Variants in ATG2B observed in about 807,000 individuals in gnomAD.
ATG2B encodes autophagy-related protein 2 homolog B.
A neutral mutation model predicts 241.3 loss-of-function variants in ATG2B; 121 were observed. That is an observed-to-expected ratio of 0.50 (90% CI 0.43 to 0.58). The LOEUF is 0.58. ATG2B is among the 20% of genes least tolerant of loss of function. ATG2B has a pLI of 0.00. For missense variants in ATG2B, 2,306 were observed against 2,491.6 expected (o/e 0.93, Z 1.59); for synonymous variants, 858 against 876.6 (o/e 0.98, Z 0.37).
intron 30 of ATG2B, among the ~76,000 whole-genome samples, chr14:96,306,077 T>G (rs2289624): frequency 5.9e-5 from 9 of 152,206 alleles, no homozygotes; most frequent in Non-Finnish European, 1.0e-4. Flanking sequence ...TGTTTGATAA[T>G]AAAAAAGCAC....
intron 27 of ATG2B, 100 bp from the exon 28 acceptor site, chr14:96,311,387 G>T: frequency 1.6e-6 from 2 of 1,254,370 alleles, no homozygotes; most frequent in Non-Finnish European, 2.2e-6. Flanking sequence ...ATGATAATCT[G>T]TCTCGCTACA....
chr14:96,342,213 G>A (rs1566732352), intron 5 of ATG2B, among the ~76,000 whole-genome samples: 1 of 151,356 alleles, frequency 6.6e-6, no homozygotes, highest in African/African-American at 2.4e-5. Flanking sequence ...AAAATTAGAC[G>A]TTAATATAGG....
At chr14:96,296,190 T>C (rs1211755503) in intron 34 of ATG2B, among the ~76,000 whole-genome samples, 2 of 152,238 alleles carry the variant, frequency 1.3e-5, no homozygotes, top group Admixed American at 1.3e-4. Context: ...AAGTTCCAAA[T>C]GACTTAACTT....
intron 31 of ATG2B, 41 bp from the exon 32 acceptor site, chr14:96,304,644 GA>G (rs778251564): frequency 7.0e-7 from 1 of 1,431,706 alleles, no homozygotes; most frequent in Non-Finnish European, 9.7e-7. Flanking sequence ...TTTGTTAAAG[GA>G]ATATTCAAAG....
chr14:96,292,719 G>A (rs17094001), intron 36 of ATG2B, among the ~76,000 whole-genome samples: 64,348 of 152,008 alleles, frequency 0.42, 15,576 homozygotes, highest in African/African-American at 0.65. Flanking sequence ...TGAAACTAAT[G>A]ATTCTAAGTA....
intron 2 of ATG2B, 104 bp from the exon 3 acceptor site, chr14:96,345,489 A>G (rs1247186385): frequency 3.3e-6 from 3 of 912,056 alleles, no homozygotes; most frequent in Admixed American, 7.2e-5. Flanking sequence ...ATCTTTTAAG[A>G]GATTTTTAAC....
At chr14:96,353,763 T>A (rs770493299) in intron 1 of ATG2B, among the ~76,000 whole-genome samples, 2 of 151,930 alleles carry the variant, frequency 1.3e-5, no homozygotes, top group African/African-American at 4.8e-5. Flanking sequence ...TTTCAATTTA[T>A]ATGTTTTTAT....
intron 1 of ATG2B, 40 bp downstream of exon 1, chr14:96,362,775 G>T (rs1407318377): frequency 1.3e-6 from 2 of 1,576,830 alleles, no homozygotes; most frequent in East Asian, 2.3e-5. Context: ...CCCTAAAGAG[G>T]GGAGCGAGCC....
intron 34 of ATG2B, among the ~76,000 whole-genome samples, chr14:96,300,424 T>G (rs990469339): frequency 5.3e-5 from 8 of 151,576 alleles, no homozygotes; most frequent in Non-Finnish European, 8.8e-5. Flanking sequence ...TGTTCAGGAG[T>G]CTGAGGCGGG....
In ATG2B at chr14:96,363,108, G is replaced by A. The variant is rs368668841; in HGVS notation, c.-132C>T. ...CCCCTCCATCCCTATTTGGTGCCGG[G>A]AGTCCCTCAGGGAGACCCCATCGCC... On this transcript the variant is annotated 5_prime_UTR_variant, in exon 1 of 42. Transcript: ENST00000359933. 1 of 1,040,244 alleles carries A rather than the reference G, an allele frequency of 9.6e-7. No homozygotes were observed. Among genetic ancestry groups the A allele is most frequent in the Non-Finnish European group, 1.4e-6 (1 of 690,892 alleles). 64.4% of individuals were successfully genotyped at this position (1,040,244 alleles called of 1,614,324 possible).
chr14:96,362,464 T>C (rs1229460871), intron 1 of ATG2B, among the ~76,000 whole-genome samples: 1 of 152,174 alleles, frequency 6.6e-6, no homozygotes, highest in African/African-American at 2.4e-5. Context: ...AAGGCAGGGT[T>C]TGTTTGCCAC....
Position 96,302,922 on chromosome 14 carries a change from A to G in ATG2B, c.5037+139T>C, listed in dbSNP as rs1886831683. 7 of 625,642 alleles carry G rather than the reference A, an allele frequency of 1.1e-5. No individual in the cohort carries two copies. In the Admixed American group the frequency reaches 2.2e-4, roughly 20 times the overall value. The allele number at this position is 625,642 out of a possible 1,614,324, so 38.8% of individuals were successfully genotyped here. A position where few individuals can be genotyped will look rare whatever the true frequency, so the allele number is the denominator to read the frequency against. On this transcript the variant is annotated intron_variant, in intron 33 of 41. Coordinates refer to ENST00000359933, the MANE Select transcript of ATG2B (RefSeq NM_018036.7). ...TTTTTTAAACATAAAACTTTAAGCA[A>G]TACATTCAAAAGGGACTTTTCACAT...
intron 1 of ATG2B, among the ~76,000 whole-genome samples, chr14:96,357,631 G>A (rs1234436297): frequency 6.6e-6 from 1 of 151,422 alleles, no homozygotes; most frequent in East Asian, 1.9e-4. Context: ...GGTACCACAA[G>A]TTACGGTCAT....
intron 1 of ATG2B, among the ~76,000 whole-genome samples, chr14:96,357,875 T>C (rs1369630685): frequency 6.6e-6 from 1 of 152,204 alleles, no homozygotes; most frequent in Non-Finnish European, 1.5e-5. Context: ...ACCTCATATA[T>C]TTCTTTACTG....
chr14:96,295,284 G>T, intron 35 of ATG2B, 117 bp from the exon 36 acceptor site: 1 of 1,057,532 alleles, frequency 9.5e-7, no homozygotes. Flanking sequence ...TACGATTCTT[G>T]TTACAGAGAA....
chr14:96,322,774 G>C lies in ATG2B; in HGVS notation c.2541-39C>G, dbSNP rs781239738. 5.8e-6 allele frequency: 9 copies of C among 1,554,630 alleles called. No individual in the cohort carries two copies. The Admixed American group carries it at 1.4e-4, about 25-fold the overall frequency. On this transcript the variant is annotated intron_variant, in intron 16 of 41. Transcript: ENST00000359933. ...CAATTTTAAAAAGACCAAGATCTAAGTGTAAACAGCAAAACTTTAACTTTT... is the reference window on the plus strand; with the variant it reads ...CAATTTTAAAAAGACCAAGATCTAACTGTAAACAGCAAAACTTTAACTTTT...
chr14:96,291,902 T>C, intron 37 of ATG2B, 127 bp downstream of exon 37: 1 of 709,992 alleles, frequency 1.4e-6, no homozygotes, highest in Non-Finnish European at 2.2e-6. Flanking sequence ...AACAATTAAA[T>C]TTAAAAACCT....
rs780573572 is a variant in ATG2B, at chr14:96,285,851, T to C, written c.6141A>G (p.Thr2047=). 6.2e-7 allele frequency: 1 copy of C among 1,614,178 alleles called. No homozygotes were observed. Among genetic ancestry groups the C allele is most frequent in the South Asian group, 1.1e-5 (1 of 91,084 alleles). ...CACCCAGCACGTTTGACGTTGCTTC[T>C]GTGGCAACAATCAGAGGTTTCACCA... is the stretch of plus-strand genomic sequence containing the variant. ...PAVVKPLIVA[T]EATSNVLGGM... Residue 2047 remains threonine (T), a synonymous_variant, in exon 42 of 42, where the codon ACA becomes ACG. Coordinates refer to ENST00000359933, the MANE Select transcript of ATG2B (RefSeq NM_018036.7). This position sits in a 1 kb window ranked among gnomAD's most constrained non-coding sequence, Gnocchi z 4.2.
intron 2 of ATG2B, among the ~76,000 whole-genome samples, chr14:96,346,173 T>C (rs1888164912): frequency 6.6e-6 from 1 of 152,076 alleles, no homozygotes; most frequent in East Asian, 1.9e-4. Flanking sequence ...AGTATATATG[T>C]AGATAAAATA....
Sources: gnomAD v4.1 joint callset for allele counts (sites outside exome capture counted in the v4.1 genomes callset) on GRCh38, gnomAD v4.1.1 for gene constraint, Gnocchi (gnomAD v3.1) non-coding constraint, MANE v1.5 for transcripts, NCBI Gene and HGNC (gene_info 2026-07-23, HGNC 2026-07-21) for gene names.